Variants in NECTIN1 observed in about 807,000 individuals in gnomAD.
NECTIN1 encodes nectin cell adhesion molecule 1, also known as nectin-1.
A neutral mutation model predicts 48.0 loss-of-function variants in NECTIN1; 23 were observed. The observed-to-expected ratio is 0.48, with a 90% confidence interval of 0.34 to 0.68. The LOEUF (loss-of-function observed/expected upper bound fraction) is 0.68. Among genes scored for constraint, NECTIN1 ranks in the 30% least tolerant of loss-of-function variants. The pLI, the probability that NECTIN1 is intolerant of heterozygous loss-of-function variation, is 0.01. For missense variants in NECTIN1, 591 were observed against 709.9 expected, an observed-to-expected ratio of 0.83 and a Z score of 1.90; for synonymous variants, 270 against 288.9, an observed-to-expected ratio of 0.93 and a Z score of 0.66.
chr11:119,698,423 T>C (rs570582475), intron 1 of NECTIN1, among the ~76,000 whole-genome samples: 251 of 152,390 alleles, frequency 1.6e-3, no homozygotes, highest in Non-Finnish European at 2.9e-3. Flanking sequence ...AAGTGTTCTA[T>C]ACCCCTGAGT....
intron 5 of NECTIN1, among the ~76,000 whole-genome samples, chr11:119,650,706 G>A (rs1296546667): frequency 6.6e-6 from 1 of 152,186 alleles, no homozygotes; most frequent in Non-Finnish European, 1.5e-5. Context: ...CAGCTCCTCA[G>A]TGGCTAACTG....
In NECTIN1 at chr11:119,683,892, A is replaced by G. The variant is rs1359495629; in HGVS notation, c.80-5127T>C. On this transcript the variant is annotated intron_variant, in intron 1 of 5. Transcript: ENST00000264025. The surrounding 1 kb of genome is among the most constrained non-coding windows in gnomAD (Gnocchi z 4.0). ...CAGGTTGGGCAGTTCAGGCTGCCTCACTTCCCAGAAGTGCTGAGCCAGCAT... is the reference window on the plus strand; with the variant it reads ...CAGGTTGGGCAGTTCAGGCTGCCTCGCTTCCCAGAAGTGCTGAGCCAGCAT... Among the ~76,000 whole-genome samples the G allele has an allele frequency of 5.3e-5, 8 of 151,964 alleles. No individual in the cohort carries two copies. Among genetic ancestry groups the G allele is most frequent in the Non-Finnish European group, 1.0e-4 (7 of 67,982 alleles).
intron 5 of NECTIN1, among the ~76,000 whole-genome samples, chr11:119,651,612 G>A (rs941272892): frequency 1.3e-5 from 2 of 151,934 alleles, no homozygotes; most frequent in African/African-American, 4.8e-5. Context: ...GGGCAGAGTG[G>A]GTCACTCTCA....
chr11:119,659,996 G>A (rs1022000039), downstream of NECTIN1, among the ~76,000 whole-genome samples: 2 of 152,156 alleles, frequency 1.3e-5, no homozygotes, highest in Non-Finnish European at 2.9e-5. Context: ...GCCTTCCAGC[G>A]GGGGCTCAGC....
intron 1 of NECTIN1, among the ~76,000 whole-genome samples, chr11:119,718,351 G>C (rs970047113): frequency 6.6e-6 from 1 of 152,204 alleles, no homozygotes; most frequent in Non-Finnish European, 1.5e-5. Context: ...TCCCCAGCTT[G>C]CTGTCCTGAT....
chr11:119,721,442 C>T (rs752629600), intron 1 of NECTIN1, among the ~76,000 whole-genome samples: 9 of 152,234 alleles, frequency 5.9e-5, no homozygotes, highest in Non-Finnish European at 8.8e-5. Context: ...GGGCCACGCC[C>T]GCAGCTGTGT....
At chr11:119,685,710 C>T (rs1425432966) in intron 1 of NECTIN1, among the ~76,000 whole-genome samples, 1 of 152,240 alleles carries the variant, frequency 6.6e-6, no homozygotes, top group Non-Finnish European at 1.5e-5. Flanking sequence ...CAGAGCCTCT[C>T]TCTTGGCCCT....
intron 5 of NECTIN1, among the ~76,000 whole-genome samples, chr11:119,645,919 T>G (rs1005595194): frequency 6.6e-6 from 1 of 152,200 alleles, no homozygotes; most frequent in Non-Finnish European, 1.5e-5. Flanking sequence ...TGGCTCAGAC[T>G]CAGCCAGGCC....
chr11:119,670,302 C>T (rs1014056019), intron 5 of NECTIN1, among the ~76,000 whole-genome samples: 8 of 152,142 alleles, frequency 5.3e-5, no homozygotes, highest in African/African-American at 1.9e-4. Context: ...GTCTTTCCTC[C>T]TATGCGAAAA....
At chr11:119,699,489 C>G (rs1476101727) in intron 1 of NECTIN1, among the ~76,000 whole-genome samples, 1 of 80 alleles carries the variant, frequency 0.013, no homozygotes, top group South Asian at 0.12. Context: ...AGCAGAGGCC[C>G]CTGTCCCCAG....
intron 6 of NECTIN1, chr11:119,639,744 G>T: frequency 7.6e-7 from 1 of 1,323,484 alleles, no homozygotes; most frequent in Non-Finnish European, 1.1e-6. Context: ...GTCCCCCAGG[G>T]TGGGGAGGCC....
chr11:119,728,032 C>T (rs865993154), intron 1 of NECTIN1, among the ~76,000 whole-genome samples: 1 of 150,112 alleles, frequency 6.7e-6, no homozygotes, highest in African/African-American at 2.4e-5. Context: ...AGAGACGAAG[C>T]CCCCCCGCCA....
At chr11:119,711,454 C>G (rs951873688) in intron 1 of NECTIN1, among the ~76,000 whole-genome samples, 2 of 151,802 alleles carry the variant, frequency 1.3e-5, no homozygotes, top group Admixed American at 6.6e-5. Flanking sequence ...AGCCAGCCAG[C>G]TCCCATCGGT....
At chr11:119,711,088 A>G (rs529902568) in intron 1 of NECTIN1, among the ~76,000 whole-genome samples, 1 of 56,406 alleles carries the variant, frequency 1.8e-5, no homozygotes, top group East Asian at 4.3e-4. Flanking sequence ...AAAAACAGAA[A>G]GAAAGGGGCA....
At chr11:119,699,268 GC>G (rs2135569101) in intron 1 of NECTIN1, among the ~76,000 whole-genome samples, 1 of 152,336 alleles carries the variant, frequency 6.6e-6, no homozygotes, top group East Asian at 1.9e-4. Context: ...CAGTGCTGGA[GC>G]TTTGACCTGA....
Position 119,661,348 on chromosome 11 carries a change from G to C in NECTIN1, c.*3399C>G, listed in dbSNP as rs1353999693. On this transcript the variant is annotated 3_prime_UTR_variant, in exon 6 of 6. Transcript: ENST00000264025. ...TCCTCCTGGCCTCACAAGCTGGGCA[G>C]TGTTGGCAGCAGTGGCAGCAGCAGA... 1.0e-6 allele frequency: 1 copy of C among 986,418 alleles called. No individual in the cohort carries two copies. The highest frequency in any genetic ancestry group is 1.2e-6 in the Non-Finnish European group (1 of 830,496). 61.1% of individuals were successfully genotyped at this position (986,418 alleles called of 1,614,324 possible).
At chr11:119,713,762 C>T (rs557884934) in intron 1 of NECTIN1, 10 of 445,438 alleles carry the variant, frequency 2.2e-5, no homozygotes, top group South Asian at 1.6e-4. Flanking sequence ...TCACTTCTCA[C>T]CTCCTCACCC....
intron 5 of NECTIN1, among the ~76,000 whole-genome samples, chr11:119,652,679 G>A (rs1864510707): frequency 6.6e-6 from 1 of 152,174 alleles, no homozygotes; most frequent in South Asian, 2.1e-4. Context: ...AAGGACGGAT[G>A]GCACCAAGAG....
intron 1 of NECTIN1, among the ~76,000 whole-genome samples, chr11:119,716,128 A>C (rs909880750): frequency 2.6e-5 from 4 of 152,166 alleles, no homozygotes; most frequent in Non-Finnish European, 4.4e-5. Flanking sequence ...GCACCTGCCC[A>C]GGTGATCATC....
Sources: allele counts gnomAD v4.1 joint callset (sites outside exome capture counted in the v4.1 genomes callset), GRCh38; gene constraint gnomAD v4.1.1; non-coding constraint Gnocchi (gnomAD v3.1); transcripts MANE v1.5; gene names NCBI Gene and HGNC (gene_info 2026-07-23, HGNC 2026-07-21).